The following MGA variants were observed in gnomAD, a reference collection of about 807,000 sequenced individuals.
MGA encodes the protein MAX gene-associated protein.
Under a neutral mutation model 261.1 loss-of-function variants are expected in MGA, and 40 were observed. That is an observed-to-expected ratio of 0.15 (90% CI 0.12 to 0.20). The LOEUF is 0.20. MGA is among the 10% of genes least tolerant of loss of function. MGA has a pLI of 1.00. For missense variants in MGA, 3,397 were observed against 3,630.5 expected, an observed-to-expected ratio of 0.94 and a Z score of 1.65; for synonymous variants, 1,302 against 1,290.6, an observed-to-expected ratio of 1.01 and a Z score of -0.19.
intron 2 of MGA, among the ~76,000 whole-genome samples, chr15:41,692,302 G>A (rs2059331400): frequency 6.6e-6 from 1 of 152,128 alleles, no homozygotes; most frequent in South Asian, 2.1e-4. Context: ...GCCTTTCTGC[G>A]GCACTGCTGT....
At position 41,767,467 on chromosome 15, in the gene MGA, A is replaced by G. The variant is rs897126931; in HGVS notation, c.*187A>G. 23 of 632,420 alleles carry G rather than the reference A, an allele frequency of 3.6e-5. No individual in the cohort carries two copies. In the African/African-American group the frequency reaches 4.2e-4, roughly 12 times the overall value. The allele number at this position is 632,420 out of a possible 1,614,324, so 39.2% of individuals were successfully genotyped here. On this transcript the variant is annotated 3_prime_UTR_variant, in exon 24 of 24. Coordinates refer to ENST00000219905, the MANE Select transcript of MGA (RefSeq NM_001164273.2). ...TAAGAAGTACTCTGAAATTCTGATCATGTTAAAATGTGTTACCTCACTTGT... is the reference window on the plus strand; with the variant it reads ...TAAGAAGTACTCTGAAATTCTGATCGTGTTAAAATGTGTTACCTCACTTGT...
chr15:41,687,233 A>G (rs1048881891), intron 2 of MGA, among the ~76,000 whole-genome samples: 1 of 152,064 alleles, frequency 6.6e-6, no homozygotes, highest in South Asian at 2.1e-4. Flanking sequence ...CCCATGGATC[A>G]TATGTGCCTA....
chr15:41,643,708 TGATG>T (rs1258099332), intron 1 of MGA, among the ~76,000 whole-genome samples: 1 of 152,078 alleles, frequency 6.6e-6, no homozygotes, highest in East Asian at 1.9e-4. Flanking sequence ...GGTTTTAATT[TGATG>T]AAGTCCAGGA....
intron 1 of MGA, among the ~76,000 whole-genome samples, chr15:41,639,969 A>G (rs1235295514): frequency 6.6e-6 from 1 of 152,136 alleles, no homozygotes; most frequent in Non-Finnish European, 1.5e-5. Flanking sequence ...GTGCTGACCA[A>G]TCTGTCAAGG....
chr15:41,736,545 G>C lies in MGA; in HGVS notation c.4281G>C (p.Glu1427Asp). 6.2e-7 allele frequency: 1 copy of C among 1,614,032 alleles called. No individual in the cohort carries two copies. The highest frequency in any genetic ancestry group is 8.5e-7 in the Non-Finnish European group (1 of 1,179,902). The stretch of plus-strand genomic sequence containing the variant: ...GTCCATTGTCCCCTGGGAAAATGGA[G>C]GATATCTCTCCTGTGCAGACAGATG... The change falls in exon 13 of 24, where the codon GAG (glutamate) becomes GAC (aspartate). Residue 1427 changes from glutamate to aspartate, a missense_variant. Transcript: ENST00000219905.
chr15:41,648,746 C>T (rs1013459670), intron 1 of MGA, among the ~76,000 whole-genome samples: 4 of 151,904 alleles, frequency 2.6e-5, no homozygotes, highest in Admixed American at 6.6e-5. Context: ...GATGTGAACG[C>T]GGAGATCTGT....
rs565038336 is a variant in MGA at position 41,653,829 on chromosome 15, T to C, written c.-67-14999T>C. Among the ~76,000 whole-genome samples the C allele has an allele frequency of 5.3e-5, 8 of 152,276 alleles. No homozygotes were observed. In the East Asian group the frequency reaches 1.2e-3, roughly 22 times the overall value. ...TGCCTGGAGCTTAGTTTAAACTAAG[T>C]GTAACTTAACCTGCCTCTTCCTTTG... is the stretch of plus-strand genomic sequence containing the variant. On this transcript the variant is annotated intron_variant, in intron 1 of 8. Coordinates refer to the MGA transcript ENST00000566718.
At position 41,688,501 on chromosome 15, in the gene MGA, C is replaced by T. The variant is rs201370786; in HGVS notation, c.1065-7574C>T. ...ATTCTTCTTCCTTGAATTTACATTG[C>T]GACTCTTTTAAATAGCTGATAGTTG... On this transcript the variant is annotated intron_variant, in intron 2 of 23. Transcript: ENST00000219905. Among the ~76,000 whole-genome samples, 13 of 152,216 alleles carry T rather than the reference C, an allele frequency of 8.5e-5. No homozygotes were observed. In the East Asian group the frequency reaches 2.3e-3, roughly 27 times the overall value.
At chr15:41,726,338 G>A (rs1370367720) in intron 9 of MGA, among the ~76,000 whole-genome samples, 3 of 152,204 alleles carry the variant, frequency 2.0e-5, no homozygotes, top group Non-Finnish European at 4.4e-5. Flanking sequence ...CACATGAAGT[G>A]CTTAGCACAG....
chr15:41,685,037 A>G (rs894898136), intron 2 of MGA, among the ~76,000 whole-genome samples: 2 of 152,112 alleles, frequency 1.3e-5, no homozygotes, highest in African/African-American at 4.8e-5. Context: ...AAAATTGATA[A>G]AGAGAGAGCT....
rs2061680686 is a variant in MGA, at chr15:41,734,721, A to C, written c.3916+127A>C. ...GCCTACCCTGTTTCAAACTTATGCC[A>C]AAAACAGGGACAATAAGTAAAAGTT... is the stretch of plus-strand genomic sequence containing the variant. On this transcript the variant is annotated intron_variant, in intron 12 of 23. Transcript: ENST00000219905. 8.8e-6 allele frequency: 6 copies of C among 679,294 alleles called. No homozygotes were observed. In the South Asian group the frequency reaches 1.5e-4, roughly 17 times the overall value. The allele number at this position is 679,294 out of a possible 1,614,324, so 42.1% of individuals were successfully genotyped here. A position where few individuals can be genotyped will look rare whatever the true frequency, so the allele number is the denominator to read the frequency against.
chr15:41,708,246 CAT>C, intron 7 of MGA, 38 bp downstream of exon 7: 1 of 1,359,402 alleles, frequency 7.4e-7, no homozygotes, highest in South Asian at 1.3e-5. Flanking sequence ...TGTTCTGAAA[CAT>C]GTAGCCAGAA....
In MGA at chr15:41,669,826, C is replaced by A; in HGVS notation, c.932C>A (p.Ser311Ter). 6.2e-7 allele frequency: 1 copy of A among 1,613,898 alleles called. No individual in the cohort carries two copies. Among genetic ancestry groups the A allele is most frequent in the South Asian group, 1.1e-5 (1 of 91,068 alleles). Residue 311 changes from serine (S) to a stop codon, truncating the protein, a stop_gained, in exon 2 of 24, where the codon TCA becomes TAA. Coordinates refer to ENST00000219905, the MANE Select transcript of MGA (RefSeq NM_001164273.2). LOFTEE classifies it high-confidence loss of function. Reference sequence around the variant, plus strand: ...CAACCAGGTGATTTGGATCCTTTGTCAAGGGGTCATGAAACATCAGGCAAG... The same window carrying A: ...CAACCAGGTGATTTGGATCCTTTGTAAAGGGGTCATGAAACATCAGGCAAG...
At chr15:41,708,956 GT>G (rs2060249157) in intron 7 of MGA, among the ~76,000 whole-genome samples, 1 of 152,180 alleles carries the variant, frequency 6.6e-6, no homozygotes, top group South Asian at 2.1e-4. Context: ...AAATATGCCA[GT>G]TTTCCAAAAT....
At position 41,711,244 on chromosome 15, in the gene MGA, G is replaced by T; in HGVS notation, c.2979G>T (p.Val993=). The T allele has an allele frequency of 6.2e-7, 1 of 1,614,062 alleles. No homozygotes were observed. The highest frequency in any genetic ancestry group is 1.1e-5 in the South Asian group (1 of 91,086). Residue 993 remains valine, a synonymous_variant, in exon 8 of 24, where the codon GTG becomes GTT. Transcript: ENST00000219905. Reference sequence around the variant, plus strand: ...CTCCAGGCTTGTCTAAATCTCAGGTGAAGCTAATGGACCTGGAAGACTGTG... The same window carrying T: ...CTCCAGGCTTGTCTAAATCTCAGGTTAAGCTAATGGACCTGGAAGACTGTG...
At chr15:41,682,929 C>T (rs12916992) in intron 2 of MGA, among the ~76,000 whole-genome samples, 112,063 of 152,136 alleles carry the variant, frequency 0.74, 43,068 homozygotes, top group East Asian at 0.89. Flanking sequence ...AAATTACTTA[C>T]GATGAAAAGA....
chr15:41,752,427 G>A (rs1360564429), intron 17 of MGA: 1 of 151,508 alleles, frequency 6.6e-6, no homozygotes, highest in Non-Finnish European at 1.5e-5. Flanking sequence ...TGATTTTTTT[G>A]TGTTTTTTGC....
At chr15:41,747,565 AC>A (rs374619647) in intron 15 of MGA, among the ~76,000 whole-genome samples, 14 of 150,624 alleles carry the variant, frequency 9.3e-5, no homozygotes, top group African/African-American at 3.2e-4. Context: ...CTCCATCTCC[AC>A]AAAAAAAAAA....
At chr15:41,684,049 C>T (rs1350422109) in intron 2 of MGA, among the ~76,000 whole-genome samples, 1 of 152,042 alleles carries the variant, frequency 6.6e-6, no homozygotes, top group African/African-American at 2.4e-5. Flanking sequence ...TGTGTGCACC[C>T]TTATTGCCTA....
Sources: gnomAD v4.1 joint callset for allele counts (sites outside exome capture counted in the v4.1 genomes callset) on GRCh38, gnomAD v4.1.1 for gene constraint, MANE v1.5 for transcripts, NCBI Gene and HGNC (gene_info 2026-07-23, HGNC 2026-07-21) for gene names.